FGD6: variants seen among roughly 807,000 people sequenced by gnomAD.
FGD6 encodes the protein FYVE, RhoGEF and PH domain-containing protein 6.
Under a neutral mutation model 149.4 loss-of-function variants are expected in FGD6, and 90 were observed. The observed-to-expected ratio is 0.60, with a 90% CI of 0.51 to 0.72. FGD6 has a LOEUF of 0.72. Among genes scored for constraint, FGD6 ranks in the 30% least tolerant of loss-of-function variants. The pLI, the probability that FGD6 is intolerant of heterozygous loss-of-function variation, is 0.00. For missense variants in FGD6, 1,437 were observed against 1,684.8 expected (o/e 0.85, Z 2.57); for synonymous variants, 527 against 584.0 (o/e 0.90, Z 1.41).
chr12:95,215,890 G>C (rs912562494), intron 1 of FGD6, among the ~76,000 whole-genome samples: 1 of 152,138 alleles, frequency 6.6e-6, no homozygotes, highest in Non-Finnish European at 1.5e-5. Context: ...GCTAAAACTG[G>C]CTGGAAGGAT....
intron 5 of FGD6, among the ~76,000 whole-genome samples, chr12:95,151,690 A>T (rs1359699858): frequency 6.6e-6 from 1 of 152,206 alleles, no homozygotes; most frequent in Non-Finnish European, 1.5e-5. Flanking sequence ...AAACCTGAAA[A>T]TAATGATACT....
chr12:95,215,742 T>C (rs991417615), intron 1 of FGD6, among the ~76,000 whole-genome samples: 6 of 152,222 alleles, frequency 3.9e-5, no homozygotes, highest in African/African-American at 1.2e-4. Context: ...GTCTGGGCCC[T>C]AGAAATTGGG....
rs375663344 is a variant in FGD6 at position 95,093,406 on chromosome 12, G to A, written c.3601-561C>T. Among the ~76,000 whole-genome samples the A allele has an allele frequency of 3.3e-3, 495 of 151,120 alleles. 6 individuals carry two copies. The highest frequency in any genetic ancestry group is 0.012 in the African/African-American group (478 of 41,196). ...ACTAAAAATACAAAAATTGCCAGGCGCGGTGGCTCACGCCTGTAATACCAG... is the reference window on the plus strand; with the variant it reads ...ACTAAAAATACAAAAATTGCCAGGCACGGTGGCTCACGCCTGTAATACCAG... On this transcript the variant is annotated intron_variant, in intron 15 of 20. Transcript: ENST00000343958.
chr12:95,102,443 C>CAAAAAAA (rs55926317), intron 14 of FGD6, among the ~76,000 whole-genome samples: 545 of 104,048 alleles, frequency 5.2e-3, no homozygotes, highest in South Asian at 0.01. Flanking sequence ...GACCCTTTCT[C>CAAAAAAA]AAAAAAAAAA....
intron 16 of FGD6, 45 bp downstream of exon 16, chr12:95,092,654 G>A (rs371732067): frequency 1.9e-6 from 3 of 1,600,166 alleles, no homozygotes; most frequent in Non-Finnish European, 1.7e-6. Flanking sequence ...GTACAGCCTG[G>A]AGACAGTAAA....
In FGD6 at chr12:95,209,255, A is replaced by T. The variant is rs1364643042; in HGVS notation, c.2029T>A (p.Leu677Met). The change falls in exon 2 of 21, where the codon TTG becomes ATG. Residue 677 changes from leucine to methionine, a missense_variant. By Grantham distance (15) the Leu-to-Met change is conservative. Transcript: ENST00000343958. ...QKGIESDWQG[L>M]LVGEEKRSKP... The stretch of plus-strand genomic sequence containing the variant: ...CTTCTCTTCTCCTCTCCTACCAACA[A>T]GCCTTGCCAATCACTTTCAATCCCC... 1 of 1,614,034 alleles carries T rather than the reference A, an allele frequency of 6.2e-7. No homozygotes were observed. Among genetic ancestry groups the T allele is most frequent in the Non-Finnish European group, 8.5e-7 (1 of 1,180,020 alleles).
At chr12:95,183,294 C>T (rs907964921) in intron 2 of FGD6, among the ~76,000 whole-genome samples, 28 of 152,200 alleles carry the variant, frequency 1.8e-4, no homozygotes, top group Admixed American at 5.2e-4. Context: ...TTTAAACAAG[C>T]CAATCACATC....
At chr12:95,134,080 A>AT (rs1243748683) in intron 8 of FGD6, among the ~76,000 whole-genome samples, 2 of 152,150 alleles carry the variant, frequency 1.3e-5, no homozygotes, top group Non-Finnish European at 2.9e-5. Context: ...GAATACTACT[A>AT]TTACTAATAA....
intron 2 of FGD6, among the ~76,000 whole-genome samples, chr12:95,179,714 T>G (rs984191436): frequency 6.6e-6 from 1 of 152,114 alleles, no homozygotes; most frequent in Non-Finnish European, 1.5e-5. Flanking sequence ...GAAGCAGTCT[T>G]AAAGGGATCT....
At chr12:95,186,697 A>C (rs909082605) in intron 2 of FGD6, among the ~76,000 whole-genome samples, 2 of 152,170 alleles carry the variant, frequency 1.3e-5, no homozygotes, top group African/African-American at 4.8e-5. Flanking sequence ...TGCAAAGTCT[A>C]AAATATTTAT....
At chr12:95,134,916 T>A (rs1448830315) in intron 7 of FGD6, 90 bp from the exon 8 acceptor site, 1 of 922,052 alleles carries the variant, frequency 1.1e-6, no homozygotes, top group Non-Finnish European at 1.6e-6. Flanking sequence ...ACTTTAAACA[T>A]CAAGCAACTC....
intron 7 of FGD6, among the ~76,000 whole-genome samples, chr12:95,135,725 A>C (rs535240861): frequency 6.6e-6 from 1 of 152,324 alleles, no homozygotes; most frequent in South Asian, 2.1e-4. Flanking sequence ...TCATTTTCTA[A>C]ATATGTACCA....
chr12:95,156,035 C>T (rs957999553), intron 3 of FGD6, among the ~76,000 whole-genome samples: 38 of 152,250 alleles, frequency 2.5e-4, no homozygotes, highest in African/African-American at 2.9e-4. Flanking sequence ...CTCTTAATCC[C>T]GTCACCTTCG....
At chr12:95,205,630 C>G (rs2056688976) in intron 2 of FGD6, among the ~76,000 whole-genome samples, 2 of 152,116 alleles carry the variant, frequency 1.3e-5, no homozygotes, top group Non-Finnish European at 2.9e-5. Flanking sequence ...CAAACAGGAC[C>G]CTTTGAGCTC....
intron 2 of FGD6, among the ~76,000 whole-genome samples, chr12:95,180,514 T>C (rs1369653707): frequency 1.3e-5 from 2 of 151,668 alleles, no homozygotes; most frequent in African/African-American, 4.8e-5. Flanking sequence ...AGCCTCAGGC[T>C]CCCAGGCACT....
intron 14 of FGD6, among the ~76,000 whole-genome samples, chr12:95,101,832 G>A (rs186125152): frequency 1.5e-4 from 22 of 151,692 alleles, no homozygotes; most frequent in Non-Finnish European, 2.8e-4. Flanking sequence ...ACAGATAAGC[G>A]CCACCACACC....
At chr12:95,160,260 C>A (rs1045876433) in intron 3 of FGD6, among the ~76,000 whole-genome samples, 2 of 151,514 alleles carry the variant, frequency 1.3e-5, no homozygotes, top group Non-Finnish European at 2.9e-5. Context: ...TAAGAATGGG[C>A]AATAAGTATA....
At chr12:95,190,546 C>A (rs183953861) in intron 2 of FGD6, among the ~76,000 whole-genome samples, 2 of 152,118 alleles carry the variant, frequency 1.3e-5, no homozygotes, top group Admixed American at 1.3e-4. Flanking sequence ...TTTTCCATAT[C>A]GATATCTAAT....
At position 95,111,683 on chromosome 12, in the gene FGD6, T is replaced by G. The variant is rs538722673; in HGVS notation, c.3133+1968A>C. 5.0e-4 allele frequency among the ~76,000 whole-genome samples: 76 copies of G among 152,242 alleles called. 1 individual carries two copies. The highest frequency in any genetic ancestry group is 1.6e-4 in the Non-Finnish European group (11 of 68,024). On this transcript the variant is annotated intron_variant, in intron 9 of 20. Coordinates refer to ENST00000343958, the MANE Select transcript of FGD6 (RefSeq NM_018351.4). ...TCTGTCCTGCTCGGTGCACCCTTAC[T>G]TTGAAGTCATTTGCTTTGTTCTTTA...
Sources: gnomAD v4.1 joint callset for allele counts (sites outside exome capture counted in the v4.1 genomes callset) on GRCh38, gnomAD v4.1.1 for gene constraint, MANE v1.5 for transcripts, NCBI Gene and HGNC (gene_info 2026-07-23, HGNC 2026-07-21) for gene names.